The following SLC17A6 variants were observed in gnomAD, a reference collection of about 807,000 sequenced individuals.
SLC17A6 encodes the protein solute carrier family 17 member 6, also known as vesicular glutamate transporter 2.
In SLC17A6, 35 loss-of-function variants were observed where a neutral mutation model predicts 67.1. The observed-to-expected ratio is 0.52, with a 90% CI of 0.40 to 0.69. SLC17A6 has a LOEUF of 0.69. SLC17A6 is among the 30% of genes least tolerant of loss of function. The pLI is 0.00. For missense variants in SLC17A6, 588 were observed against 723.9 expected (o/e 0.81, Z 2.15); for synonymous variants, 285 against 252.3 (o/e 1.13, Z -1.23).
At chr11:22,364,196 C>A (rs1215848283) in intron 6 of SLC17A6, among the ~76,000 whole-genome samples, 1 of 151,978 alleles carries the variant, frequency 6.6e-6, no homozygotes, top group African/African-American at 2.4e-5. Context: ...GAGATAAGAT[C>A]AGTATAGTGG....
In SLC17A6 at chr11:22,338,506, G is replaced by T. The variant is rs1240491078; in HGVS notation, c.-28G>T. On this transcript the variant is annotated 5_prime_UTR_variant, in exon 1 of 12. Transcript: ENST00000263160. ...TCCTAGCAATCACTATTTAAATCTG[G>T]CAAGAACTGACAACAGTCTTTGCAA... is the stretch of plus-strand genomic sequence containing the variant. 9 of 1,526,188 alleles carry T rather than the reference G, an allele frequency of 5.9e-6. No homozygotes were observed. Among genetic ancestry groups the T allele is most frequent in the African/African-American group, 4.1e-5 (3 of 73,062 alleles). 94.5% of individuals were successfully genotyped at this position (1,526,188 alleles called of 1,614,324 possible).
At chr11:22,370,246 T>TTGC (rs1404000906) in intron 8 of SLC17A6, 58 bp downstream of exon 8, 39 of 1,438,484 alleles carry the variant, frequency 2.7e-5, no homozygotes, top group Non-Finnish European at 3.2e-5. Flanking sequence ...AAGTGAATAC[T>TTGC]AAATTCATTT....
At chr11:22,351,660 CT>C (rs1365078573) in intron 3 of SLC17A6, among the ~76,000 whole-genome samples, 1 of 131,076 alleles carries the variant, frequency 7.6e-6, no homozygotes, top group Non-Finnish European at 1.7e-5. Flanking sequence ...TTTACAGCTT[CT>C]TAAAAAAATC....
intron 3 of SLC17A6, among the ~76,000 whole-genome samples, chr11:22,355,482 T>C (rs1489908968): frequency 6.6e-6 from 1 of 152,164 alleles, no homozygotes; most frequent in East Asian, 1.9e-4. Flanking sequence ...TCCTGCTTCC[T>C]GGCTTTTAGA....
Position 22,379,211 on chromosome 11 carries a change from A to G in SLC17A6, c.*1471A>G, listed in dbSNP as rs116870090. 153 of 152,660 alleles carry G rather than the reference A, an allele frequency of 1.0e-3. 1 individual carries two copies. The highest frequency in any genetic ancestry group is 1.6e-3 in the Non-Finnish European group (110 of 67,988). 9.5% of individuals were successfully genotyped at this position (152,660 alleles called of 1,614,324 possible). ...CTAAAATTATGATAATACATTTCCC[A>G]ATTCAACTCAAAATATTATTGGTGT... On this transcript the variant is annotated 3_prime_UTR_variant, in exon 12 of 12. Coordinates refer to ENST00000263160, the MANE Select transcript of SLC17A6 (RefSeq NM_020346.3).
intron 1 of SLC17A6, among the ~76,000 whole-genome samples, chr11:22,339,104 T>TTA (rs373471854): frequency 0.042 from 2,483 of 58,598 alleles, 236 homozygotes; most frequent in African/African-American, 0.14. Context: ...TATATATATG[T>TTA]TATATATATA....
At chr11:22,351,741 T>C (rs1256464629) in intron 3 of SLC17A6, among the ~76,000 whole-genome samples, 1 of 152,168 alleles carries the variant, frequency 6.6e-6, no homozygotes, top group Non-Finnish European at 1.5e-5. Context: ...TGAGAAATGA[T>C]TTACTTGGGA....
chr11:22,338,531 A>G lies in SLC17A6; in HGVS notation c.-3A>G, dbSNP rs371027594. The G allele has an allele frequency of 1.2e-6, 2 of 1,609,658 alleles. No individual in the cohort carries two copies. The highest frequency in any genetic ancestry group is 1.7e-6 in the Non-Finnish European group (2 of 1,176,398). On this transcript the variant is annotated 5_prime_UTR_variant, in exon 1 of 12. Coordinates refer to ENST00000263160, the MANE Select transcript of SLC17A6 (RefSeq NM_020346.3). The stretch of plus-strand genomic sequence containing the variant: ...GCAAGAACTGACAACAGTCTTTGCA[A>G]GAATGGAATCCGTAAAACAAAGGAT...
intron 4 of SLC17A6, among the ~76,000 whole-genome samples, chr11:22,360,402 T>G (rs899656059): frequency 6.6e-6 from 1 of 151,850 alleles, no homozygotes; most frequent in African/African-American, 2.4e-5. Context: ...GATGGGTTGA[T>G]AGGTCCAGTA....
chr11:22,367,004 C>CG (rs1554945265), intron 7 of SLC17A6, among the ~76,000 whole-genome samples: 4 of 38,100 alleles, frequency 1.0e-4, no homozygotes, highest in East Asian at 7.0e-4. Context: ...GACTCCGTCT[C>CG]GAAAAAAAAA....
At chr11:22,365,372 A>G (rs1196247342) in intron 6 of SLC17A6, among the ~76,000 whole-genome samples, 175 bp from the exon 7 acceptor site, 7 of 152,164 alleles carry the variant, frequency 4.6e-5, no homozygotes, top group Admixed American at 4.6e-4. Context: ...GGCCTTTAAG[A>G]AGTTTGAAGC....
chr11:22,363,538 A>G (rs1168321894), intron 6 of SLC17A6, among the ~76,000 whole-genome samples: 5 of 152,212 alleles, frequency 3.3e-5, no homozygotes, highest in African/African-American at 9.6e-5. Context: ...TCATCTTTGG[A>G]CATTGCCATG....
intron 4 of SLC17A6, among the ~76,000 whole-genome samples, chr11:22,360,120 A>AC (rs887004283): frequency 2.0e-5 from 3 of 151,954 alleles, no homozygotes; most frequent in Admixed American, 6.6e-5. Flanking sequence ...TAAAAAAAAA[A>AC]AAACCCTTTC....
intron 3 of SLC17A6, among the ~76,000 whole-genome samples, chr11:22,353,966 A>G (rs2133865731): frequency 6.6e-6 from 1 of 152,380 alleles, no homozygotes; most frequent in South Asian, 2.1e-4. Flanking sequence ...CTCAGGCCCC[A>G]AACACATCTA....
chr11:22,350,782 A>T (rs192681708), intron 3 of SLC17A6, among the ~76,000 whole-genome samples: 4 of 152,288 alleles, frequency 2.6e-5, no homozygotes, highest in Non-Finnish European at 5.9e-5. Context: ...GTGAAATGAA[A>T]TACCAGACTG....
intron 1 of SLC17A6, among the ~76,000 whole-genome samples, chr11:22,338,990 T>C (rs569428089): frequency 2.7e-5 from 4 of 149,700 alleles, no homozygotes; most frequent in African/African-American, 7.4e-5. Context: ...TTAAATTCCT[T>C]TGATGCAGAC....
intron 7 of SLC17A6, among the ~76,000 whole-genome samples, chr11:22,367,849 T>A (rs1411256005): frequency 1.3e-5 from 2 of 152,210 alleles, no homozygotes; most frequent in Admixed American, 1.3e-4. Context: ...ATTTTACTTC[T>A]TACTGATGTT....
At chr11:22,344,372 C>T (rs1855852345) in intron 3 of SLC17A6, among the ~76,000 whole-genome samples, 1 of 152,198 alleles carries the variant, frequency 6.6e-6, no homozygotes, top group Non-Finnish European at 1.5e-5. Context: ...AACCTGGGCA[C>T]ACCTCATCTC....
Position 22,343,260 on chromosome 11 carries a change from A to G in SLC17A6, c.353A>G (p.Asn118Ser), listed in dbSNP as rs201861338. The stretch of plus-strand genomic sequence containing the variant: ...ACCCCTCCATAGAAAGCCAAATTCA[A>G]CTGGGACCCGGAAACCGTGGGGATG... ...GKVIKEKAKF[N>S]WDPETVGMIH... Residue 118 changes from asparagine (N) to serine (S), a missense_variant, in exon 3 of 12, where the codon AAC becomes AGC. This residue lies in a region of SLC17A6 where 48 missense variants were observed against 36.5 expected (regional missense o/e 1.32). Transcript: ENST00000263160. The G allele has an allele frequency of 1.4e-5, 23 of 1,613,700 alleles. No individual in the cohort carries two copies. The Admixed American group carries it at 1.8e-4, about 13-fold the overall frequency.
Sources: gnomAD v4.1 joint callset for allele counts (sites outside exome capture counted in the v4.1 genomes callset) on GRCh38, gnomAD v4.1.1 for gene constraint, gnomAD v4.1.1 regional missense constraint, MANE v1.5 for transcripts, NCBI Gene and HGNC (gene_info 2026-07-23, HGNC 2026-07-21) for gene names.